BTBD3: variants seen among roughly 807,000 people sequenced by gnomAD.
BTBD3 encodes the protein BTB domain containing 3.
BTBD3 carries 14 observed loss-of-function variants against 41.6 expected under a neutral mutation model. That is an observed-to-expected ratio of 0.34 (90% CI 0.22 to 0.53). BTBD3 has a LOEUF of 0.53. BTBD3 is among the 20% of genes least tolerant of loss of function. BTBD3 has a pLI of 0.95. For missense variants in BTBD3, 426 were observed against 654.7 expected (o/e 0.65, Z 3.81); for synonymous variants, 249 against 233.7 (o/e 1.07, Z -0.60).
chr20:11,897,822 G>A (rs1024461947), intron 1 of BTBD3, among the ~76,000 whole-genome samples: 1 of 152,106 alleles, frequency 6.6e-6, no homozygotes, highest in Non-Finnish European at 1.5e-5. Flanking sequence ...TGGCTTCCAT[G>A]TCACTCAGAA....
chr20:11,899,547 CTTTTCTTTTT>C (rs1164314025), intron 1 of BTBD3, among the ~76,000 whole-genome samples: 1 of 152,000 alleles, frequency 6.6e-6, no homozygotes, highest in East Asian at 1.9e-4. Flanking sequence ...GCATTCTTTT[CTTTTCTTTTT>C]TTTTCTAATT....
At chr20:11,891,635 A>T (rs748143581) in intron 1 of BTBD3, among the ~76,000 whole-genome samples, 60 of 152,242 alleles carry the variant, frequency 3.9e-4, no homozygotes, top group Non-Finnish European at 7.4e-4. Context: ...AAATAGACGT[A>T]CAAGTTTGGT....
At chr20:11,903,168 A>C (rs2056833736) in intron 1 of BTBD3, among the ~76,000 whole-genome samples, 1 of 152,202 alleles carries the variant, frequency 6.6e-6, no homozygotes, top group African/African-American at 2.4e-5. Flanking sequence ...ATATAGGAAG[A>C]TTTCGATATT....
At chr20:11,901,238 G>A (rs1029006919) in intron 1 of BTBD3, among the ~76,000 whole-genome samples, 3 of 152,148 alleles carry the variant, frequency 2.0e-5, no homozygotes, top group East Asian at 1.9e-4. Context: ...GCACCTCCCC[G>A]CTCTACCACT....
chr20:11,903,245 C>T (rs2056834217), intron 1 of BTBD3, among the ~76,000 whole-genome samples: 1 of 152,120 alleles, frequency 6.6e-6, no homozygotes, highest in Non-Finnish European at 1.5e-5. Flanking sequence ...GAGTCATATT[C>T]TGCCTGATAT....
At chr20:11,922,557 G>A in intron 3 of BTBD3, 77 bp from the exon 4 acceptor site, 1 of 1,345,094 alleles carries the variant, frequency 7.4e-7, no homozygotes, top group South Asian at 1.4e-5. Context: ...GAACAAACTT[G>A]AAAGTGGTTG....
chr20:11,917,884 G>A (rs2056929046), upstream of BTBD3: 11 of 1,000,634 alleles, frequency 1.1e-5, no homozygotes, highest in South Asian at 4.3e-5. Flanking sequence ...ACTCTCCTCC[G>A]ATCCATTCAC....
chr20:11,914,800 A>G (rs927318969), upstream of BTBD3, among the ~76,000 whole-genome samples: 2 of 152,148 alleles, frequency 1.3e-5, no homozygotes, highest in African/African-American at 4.8e-5. Flanking sequence ...AGTGTATATC[A>G]TAACATGCTA....
At chr20:11,904,309 G>A (rs1201436553) in intron 1 of BTBD3, among the ~76,000 whole-genome samples, 1 of 152,170 alleles carries the variant, frequency 6.6e-6, no homozygotes, top group Non-Finnish European at 1.5e-5. Flanking sequence ...AGCAAGCAAA[G>A]GGGCAAGTGT....
At chr20:11,893,395 G>A (rs2056768017) in intron 1 of BTBD3, among the ~76,000 whole-genome samples, 1 of 152,186 alleles carries the variant, frequency 6.6e-6, no homozygotes, top group South Asian at 2.1e-4. Context: ...CCCATTTACT[G>A]TGAGAAAGGA....
At chr20:11,902,041 C>T (rs1242778788) in intron 1 of BTBD3, among the ~76,000 whole-genome samples, 2 of 151,988 alleles carry the variant, frequency 1.3e-5, no homozygotes, top group Non-Finnish European at 2.9e-5. Context: ...ATGCCTGCCC[C>T]CACCCCACCA....
In BTBD3 at chr20:11,917,968, G is replaced by A; in HGVS notation, c.-308G>A. Reference sequence around the variant, plus strand: ...TGCTGACCTAATTCAGAAAAGAAGTGCTACAGCTCTGTGCCTGTCATCTTT... The same window carrying A: ...TGCTGACCTAATTCAGAAAAGAAGTACTACAGCTCTGTGCCTGTCATCTTT... On this transcript the variant is annotated 5_prime_UTR_variant, in exon 1 of 4. Coordinates refer to ENST00000378226, the MANE Select transcript of BTBD3 (RefSeq NM_014962.4). 9.4e-7 allele frequency: 1 copy of A among 1,065,924 alleles called. No individual in the cohort carries two copies. The highest frequency in any genetic ancestry group is 1.1e-6 in the Non-Finnish European group (1 of 881,030). 66.0% of individuals were successfully genotyped at this position (1,065,924 alleles called of 1,614,324 possible).
chr20:11,892,124 C>A (rs529390809), intron 1 of BTBD3, among the ~76,000 whole-genome samples: 2 of 152,170 alleles, frequency 1.3e-5, no homozygotes, highest in South Asian at 2.1e-4. Context: ...CAGGAACTCA[C>A]AAAGAGCGGT....
chr20:11,920,635 A>G (rs905391024), intron 3 of BTBD3, among the ~76,000 whole-genome samples: 27 of 152,332 alleles, frequency 1.8e-4, no homozygotes, highest in African/African-American at 6.3e-4. Flanking sequence ...TCACCAAGTG[A>G]TCATAATCTA....
chr20:11,905,478 A>G (rs1338681121), intron 1 of BTBD3, among the ~76,000 whole-genome samples: 1 of 152,208 alleles, frequency 6.6e-6, no homozygotes, highest in African/African-American at 2.4e-5. Flanking sequence ...TTACTATTGC[A>G]TCTCCCAGAG....
upstream of BTBD3, among the ~76,000 whole-genome samples, chr20:11,915,745 A>G (rs1600242201): frequency 1.3e-5 from 2 of 152,204 alleles, no homozygotes; most frequent in South Asian, 2.1e-4. Context: ...CCTTCTTTGT[A>G]GCACTCTTGT....
At chr20:11,917,119 A>G (rs1482758287), upstream of BTBD3, among the ~76,000 whole-genome samples, 2 of 152,350 alleles carry the variant, frequency 1.3e-5, no homozygotes, top group East Asian at 3.9e-4. Context: ...TGTAGCCTTA[A>G]CAGTTAAGTT....
chr20:11,923,074 C>T lies in BTBD3; in HGVS notation c.977C>T (p.Ala326Val), dbSNP rs779571712. Residue 326 changes from alanine (A) to valine (V), a missense_variant, in exon 4 of 4, where the codon GCC (alanine) becomes GTC (valine). By Grantham distance (64) the Ala-to-Val change is moderately conservative (BLOSUM62 0). This residue lies in a region of BTBD3 where 321 missense variants were observed against 534.8 expected (regional missense o/e 0.60). Coordinates refer to ENST00000378226, the MANE Select transcript of BTBD3 (RefSeq NM_014962.4). This position sits in a 1 kb window ranked among gnomAD's most constrained non-coding sequence, Gnocchi z 5.3. ...TACTTGATCCGCATACCCACAATGG[C>T]CCTCGATGATTTTGCAAATGGTGCT... ...ALYLIRIPTM[A>V]LDDFANGAAQ... The T allele has an allele frequency of 1.2e-6, 2 of 1,613,990 alleles. No homozygotes were observed. Among genetic ancestry groups the T allele is most frequent in the African/African-American group, 1.3e-5 (1 of 75,042 alleles).
chr20:11,922,917 C>A lies in BTBD3; in HGVS notation c.820C>A (p.Arg274Ser). ...CTTCCAGACACTAGAAAGTATTCTC[C>A]GTAGGGAAACTCTGAATGCCAAAGA... The part of the protein sequence containing the change: ...IDFQTLESIL[R>S]RETLNAKEIV... The change falls in exon 4 of 4, where the codon CGT (arginine) becomes AGT (serine). Residue 274 changes from arginine to serine, a missense_variant. Coordinates refer to ENST00000378226, the MANE Select transcript of BTBD3 (RefSeq NM_014962.4). 1 of 1,614,208 alleles carries A rather than the reference C, an allele frequency of 6.2e-7. No individual in the cohort carries two copies. The highest frequency in any genetic ancestry group is 8.5e-7 in the Non-Finnish European group (1 of 1,180,036).
Sources: allele counts gnomAD v4.1 joint callset (sites outside exome capture counted in the v4.1 genomes callset), GRCh38; gene constraint gnomAD v4.1.1; regional missense constraint gnomAD v4.1.1; non-coding constraint Gnocchi (gnomAD v3.1); transcripts MANE v1.5; gene names NCBI Gene and HGNC (gene_info 2026-07-23, HGNC 2026-07-21).